The following KCNH7 variants were observed in gnomAD, a reference collection of about 807,000 sequenced individuals.
KCNH7 encodes the protein potassium voltage-gated channel subfamily H member 7, also known as voltage-gated inwardly rectifying potassium channel KCNH7.
Under a neutral mutation model 120.8 loss-of-function variants are expected in KCNH7, and 49 were observed. The ratio of observed to expected loss-of-function variants is 0.41; its 90% confidence interval spans 0.32 to 0.51. The LOEUF (loss-of-function observed/expected upper bound fraction) is 0.51. Among genes scored for constraint, KCNH7 ranks in the 20% least tolerant of loss-of-function variants. KCNH7 has a pLI of 0.38. For synonymous variants in KCNH7, 547 were observed against 516.1 expected, an observed-to-expected ratio of 1.06 and a Z score of -0.81; for missense variants, 1,097 against 1,446.6, an observed-to-expected ratio of 0.76 and a Z score of 3.92.
chr2:162,807,837 C>G (rs978739212), intron 2 of KCNH7, among the ~76,000 whole-genome samples: 2 of 152,068 alleles, frequency 1.3e-5, no homozygotes, highest in Non-Finnish European at 2.9e-5. Context: ...CATGCGCCAC[C>G]ACACCCAGCT....
At chr2:162,799,356 A>G (rs1684261344) in intron 2 of KCNH7, among the ~76,000 whole-genome samples, 1 of 151,930 alleles carries the variant, frequency 6.6e-6, no homozygotes, top group Non-Finnish European at 1.5e-5. Context: ...TTGCAAAAAT[A>G]TTTTACTATC....
At chr2:162,574,693 T>C (rs1316371128) in intron 2 of KCNH7, among the ~76,000 whole-genome samples, 1 of 152,028 alleles carries the variant, frequency 6.6e-6, no homozygotes, top group South Asian at 2.1e-4. Context: ...TTTAGAAAGC[T>C]GGAGGTGAAA....
chr2:162,710,161 C>G (rs1478939772), intron 2 of KCNH7, among the ~76,000 whole-genome samples: 1 of 152,030 alleles, frequency 6.6e-6, no homozygotes, highest in Non-Finnish European at 1.5e-5. Context: ...ATCTGACACC[C>G]AAAATTATCT....
chr2:162,757,762 T>G (rs1443400965), intron 2 of KCNH7, among the ~76,000 whole-genome samples: 2 of 152,180 alleles, frequency 1.3e-5, no homozygotes, highest in African/African-American at 4.8e-5. Context: ...TAGGGCATGC[T>G]TATTGAGTGC....
At chr2:162,672,782 C>T (rs913458994) in intron 2 of KCNH7, among the ~76,000 whole-genome samples, 5 of 151,320 alleles carry the variant, frequency 3.3e-5, no homozygotes, top group African/African-American at 1.2e-4. Context: ...AAAAGTAAGC[C>T]CAAATATTCT....
chr2:162,423,268 T>G lies in KCNH7; in HGVS notation c.2154+68A>C, dbSNP rs141844599. ...GGGGTTCAAAGCTGGTGATTCCGGC[T>G]TTTATTCCATTTTGGCTATCACTAT... On this transcript the variant is annotated intron_variant, in intron 9 of 15. Coordinates refer to ENST00000332142, the MANE Select transcript of KCNH7 (RefSeq NM_033272.4). 26 of 1,609,884 alleles carry G rather than the reference T, an allele frequency of 1.6e-5. 1 individual carries two copies. The African/African-American group carries it at 3.1e-4, about 19-fold the overall frequency.
chr2:162,425,242 T>G (rs1687821553), intron 8 of KCNH7, among the ~76,000 whole-genome samples: 1 of 152,072 alleles, frequency 6.6e-6, no homozygotes, highest in African/African-American at 2.4e-5. Flanking sequence ...TGCGAGCCAA[T>G]TTCTTCGAAT....
chr2:162,768,583 TC>T (rs1476019812), intron 2 of KCNH7, among the ~76,000 whole-genome samples: 2 of 152,174 alleles, frequency 1.3e-5, no homozygotes, highest in African/African-American at 4.8e-5. Flanking sequence ...TATCATTACT[TC>T]ATCAAGTCAT....
At chr2:162,408,931 A>AT (rs1687307282) in intron 9 of KCNH7, among the ~76,000 whole-genome samples, 1 of 151,892 alleles carries the variant, frequency 6.6e-6, no homozygotes, top group Non-Finnish European at 1.5e-5. Flanking sequence ...ATAATATTTC[A>AT]TTTTAATACC....
chr2:162,438,724 C>T (rs980423132), intron 7 of KCNH7, among the ~76,000 whole-genome samples: 8 of 152,094 alleles, frequency 5.3e-5, no homozygotes, highest in Non-Finnish European at 7.4e-5. Context: ...CTATTGTTAT[C>T]AAATTGCGGC....
At chr2:162,450,258 T>G (rs79675278) in intron 6 of KCNH7, among the ~76,000 whole-genome samples, 2,009 of 152,174 alleles carry the variant, frequency 0.013, 44 homozygotes, top group African/African-American at 0.044. Flanking sequence ...CTAAACACAT[T>G]ATCTCTTAGT....
intron 2 of KCNH7, among the ~76,000 whole-genome samples, chr2:162,721,148 C>A (rs1472162414): frequency 6.6e-6 from 1 of 152,062 alleles, no homozygotes; most frequent in African/African-American, 2.4e-5. Context: ...AAAATAGTTG[C>A]AAATAACCTC....
chr2:162,577,295 A>ATCTG (rs1418287602), intron 2 of KCNH7, among the ~76,000 whole-genome samples: 5 of 87,710 alleles, frequency 5.7e-5, no homozygotes, highest in African/African-American at 1.5e-4. Flanking sequence ...CTATCTGTCT[A>ATCTG]TCTATCTATC....
intron 2 of KCNH7, among the ~76,000 whole-genome samples, chr2:162,741,209 A>G (rs1264680346): frequency 8.3e-6 from 1 of 120,758 alleles, no homozygotes; most frequent in African/African-American, 5.2e-5. Flanking sequence ...TATACATATT[A>G]ATAACATGTT....
intron 3 of KCNH7, among the ~76,000 whole-genome samples, chr2:162,531,585 A>T (rs1574070421): frequency 6.6e-6 from 1 of 151,998 alleles, no homozygotes; most frequent in Non-Finnish European, 1.5e-5. Flanking sequence ...TAAGAAAATC[A>T]AAACAGTCAT....
chr2:162,761,677 A>C (rs1688971678), intron 2 of KCNH7, among the ~76,000 whole-genome samples: 1 of 152,098 alleles, frequency 6.6e-6, no homozygotes, highest in African/African-American at 2.4e-5. Context: ...TAGTGCTCTT[A>C]TCTAAGTCAG....
chr2:162,577,159 A>G (rs1018338845), intron 2 of KCNH7, among the ~76,000 whole-genome samples: 14 of 151,882 alleles, frequency 9.2e-5, no homozygotes, highest in Non-Finnish European at 1.6e-4. Flanking sequence ...GCCTCAAGTA[A>G]TCCTCCTGCA....
chr2:162,670,096 G>A (rs1363751993), intron 2 of KCNH7, among the ~76,000 whole-genome samples: 2 of 151,698 alleles, frequency 1.3e-5, no homozygotes, highest in Admixed American at 6.6e-5. Context: ...AGCGAAACTC[G>A]GTCTCAAACA....
intron 2 of KCNH7, among the ~76,000 whole-genome samples, chr2:162,553,605 C>T (rs576949214): frequency 4.7e-4 from 72 of 151,902 alleles, no homozygotes; most frequent in African/African-American, 1.6e-3. Flanking sequence ...GCCAAGATTG[C>T]GCCACTGCGG....
Sources: allele counts gnomAD v4.1 joint callset (sites outside exome capture counted in the v4.1 genomes callset), GRCh38; gene constraint gnomAD v4.1.1; transcripts MANE v1.5; gene names NCBI Gene and HGNC (gene_info 2026-07-23, HGNC 2026-07-21).